The following SNX30 variants were observed in gnomAD, a reference collection of about 807,000 sequenced individuals.
The protein encoded by SNX30 is sorting nexin-30.
SNX30 carries 24 observed loss-of-function variants against 46.4 expected under a neutral mutation model. That is an observed-to-expected ratio of 0.52 (90% CI 0.37 to 0.73). The LOEUF is 0.73. Ranked by LOEUF, SNX30 falls within the 30% of genes least tolerant of loss-of-function variation. SNX30 has a pLI of 0.00. For synonymous variants in SNX30, 189 were observed against 211.5 expected, an observed-to-expected ratio of 0.89 and a Z score of 0.92; for missense variants, 533 against 555.7, an observed-to-expected ratio of 0.96 and a Z score of 0.41.
At chr9:112,752,502 G>C (rs1313311997) in intron 1 of SNX30, among the ~76,000 whole-genome samples, 1 of 152,168 alleles carries the variant, frequency 6.6e-6, no homozygotes, top group Non-Finnish European at 1.5e-5. Context: ...CTACTCAGGA[G>C]GCTGAGGCGG....
chr9:112,829,322 T>A (rs1450353149), intron 3 of SNX30, among the ~76,000 whole-genome samples: 1 of 152,178 alleles, frequency 6.6e-6, no homozygotes. Flanking sequence ...CAGGCTGGAG[T>A]GCAGTGGTGC....
At position 112,874,625 on chromosome 9, in the gene SNX30, A is replaced by T. The variant is rs1397118462; in HGVS notation, c.*5782A>T. ...CCAAAACAAAAGCTGTGATAAAAAA[A>T]GTGCTTGAGAGAGTGTGTTGATAAG... On this transcript the variant is annotated 3_prime_UTR_variant, in exon 9 of 9. Transcript: ENST00000374232. 2.0e-5 allele frequency: 3 copies of T among 152,238 alleles called. No homozygotes were observed. Among genetic ancestry groups the T allele is most frequent in the Admixed American group, 6.5e-5 (1 of 15,286 alleles). The allele number at this position is 152,238 out of a possible 1,614,324, so 9.4% of individuals were successfully genotyped here.
At chr9:112,820,091 T>C (rs77861492) in intron 3 of SNX30, among the ~76,000 whole-genome samples, 6,536 of 152,262 alleles carry the variant, frequency 0.043, 484 homozygotes, top group African/African-American at 0.15. Flanking sequence ...ACATAGTGTC[T>C]ACTCTTCCAT....
At chr9:112,817,847 A>G (rs965313513) in intron 3 of SNX30, 32 bp downstream of exon 3, 2 of 1,418,752 alleles carry the variant, frequency 1.4e-6, no homozygotes, top group African/African-American at 2.8e-5. Context: ...CTTGTTTCTC[A>G]CTTGTCCTGT....
intron 8 of SNX30, 27 bp from the exon 9 acceptor site, chr9:112,868,757 T>C (rs1367049060): frequency 1.9e-6 from 3 of 1,613,616 alleles, no homozygotes; most frequent in Non-Finnish European, 2.5e-6. Context: ...TCAAAGCTGA[T>C]ACTGTGTGTG....
chr9:112,764,485 T>C (rs759301518), intron 1 of SNX30, among the ~76,000 whole-genome samples: 1 of 152,154 alleles, frequency 6.6e-6, no homozygotes, highest in Non-Finnish European at 1.5e-5. Flanking sequence ...TAAGCAATCC[T>C]CCTACCTCAG....
intron 3 of SNX30, among the ~76,000 whole-genome samples, chr9:112,828,390 C>T (rs919133100): frequency 1.3e-5 from 2 of 152,104 alleles, no homozygotes; most frequent in African/African-American, 4.8e-5. Context: ...GTGTAGTAGC[C>T]GCACCATCTA....
intron 1 of SNX30, among the ~76,000 whole-genome samples, chr9:112,765,826 T>C (rs573335684): frequency 3.9e-5 from 6 of 152,334 alleles, no homozygotes; most frequent in South Asian, 2.1e-4. Context: ...CTTTTTGAGA[T>C]GGAGTCTCAC....
chr9:112,770,019 C>T (rs569177233), intron 1 of SNX30, among the ~76,000 whole-genome samples: 1 of 152,146 alleles, frequency 6.6e-6, no homozygotes, highest in Non-Finnish European at 1.5e-5. Flanking sequence ...GCTGTCATCC[C>T]CTCTTGCCTG....
chr9:112,849,263 G>C (rs1487017614), intron 6 of SNX30, among the ~76,000 whole-genome samples: 1 of 152,208 alleles, frequency 6.6e-6, no homozygotes, highest in Admixed American at 6.5e-5. Flanking sequence ...GTCCACAAAG[G>C]ACTCTTTTTT....
At chr9:112,784,503 G>A (rs1224741461) in intron 1 of SNX30, among the ~76,000 whole-genome samples, 3 of 152,122 alleles carry the variant, frequency 2.0e-5, no homozygotes, top group African/African-American at 7.2e-5. Flanking sequence ...CAGGATGACT[G>A]GTCCCCTGCC....
At chr9:112,816,253 G>T (rs7873644) in intron 2 of SNX30, among the ~76,000 whole-genome samples, 4 of 152,168 alleles carry the variant, frequency 2.6e-5, no homozygotes, top group African/African-American at 9.6e-5. Flanking sequence ...TTCCTACTCC[G>T]CCTGTGCGGG....
intron 1 of SNX30, among the ~76,000 whole-genome samples, chr9:112,793,797 G>GTTTTTTTTTTTTTT (rs200559435): frequency 4.4e-5 from 6 of 137,112 alleles, no homozygotes; most frequent in Non-Finnish European, 6.2e-5. Context: ...TACCTCCACT[G>GTTTTTTTTTTTTTT]TTTTTTGTTT....
At chr9:112,756,625 T>C (rs543375936) in intron 1 of SNX30, among the ~76,000 whole-genome samples, 16 of 152,120 alleles carry the variant, frequency 1.1e-4, no homozygotes, top group African/African-American at 3.9e-4. Flanking sequence ...CACGCCCAGC[T>C]AATTTTTGTA....
chr9:112,873,270 G>T lies in SNX30; in HGVS notation c.*4427G>T, dbSNP rs1841474661. On this transcript the variant is annotated 3_prime_UTR_variant, in exon 9 of 9. Coordinates refer to ENST00000374232, the MANE Select transcript of SNX30 (RefSeq NM_001012994.2). The stretch of plus-strand genomic sequence containing the variant: ...AAAATAACAAACCAATAAGATATTT[G>T]TCTCCTATATAAACATTCTGTGTAT... 6.6e-6 allele frequency: 1 copy of T among 152,004 alleles called. No homozygotes were observed. Among genetic ancestry groups the T allele is most frequent in the Non-Finnish European group, 1.5e-5 (1 of 68,000 alleles). 9.4% of individuals were successfully genotyped at this position (152,004 alleles called of 1,614,324 possible). A position where few individuals can be genotyped will look rare whatever the true frequency, so the allele number is the denominator to read the frequency against.
chr9:112,805,052 C>A lies in SNX30; in HGVS notation c.348+85C>A, dbSNP rs533008293. On this transcript the variant is annotated intron_variant, in intron 2 of 8. Coordinates refer to ENST00000374232, the MANE Select transcript of SNX30 (RefSeq NM_001012994.2). ...TCAGTGAATTTTGCCTTTGCTCTCC[C>A]CCTTATTGTACAACTCTGTTCACCT... The A allele has an allele frequency of 1.4e-5, 15 of 1,040,026 alleles. No individual in the cohort carries two copies. In the Admixed American group the frequency reaches 3.6e-4, roughly 25 times the overall value. 64.4% of individuals were successfully genotyped at this position (1,040,026 alleles called of 1,614,324 possible). A position where few individuals can be genotyped will look rare whatever the true frequency, so the allele number is the denominator to read the frequency against.
downstream of SNX30, among the ~76,000 whole-genome samples, chr9:112,883,362 T>C (rs1410159283): frequency 6.6e-6 from 1 of 152,124 alleles, no homozygotes; most frequent in Admixed American, 6.5e-5. Context: ...ATGCATGTAG[T>C]GGATGGGAAA....
At position 112,835,129 on chromosome 9, in the gene SNX30, C is replaced by T. The variant is rs1280936674; in HGVS notation, c.619-1085C>T. 2.0e-5 allele frequency among the ~76,000 whole-genome samples: 3 copies of T among 152,278 alleles called. No individual in the cohort carries two copies. In the South Asian group the frequency reaches 6.2e-4, roughly 32 times the overall value. ...CCTTGTTCTGGGTTCCTTTATCTCC[C>T]TCTAGTTATACCCTTCTAGGTCTGG... On this transcript the variant is annotated intron_variant, in intron 4 of 8. Coordinates refer to ENST00000374232, the MANE Select transcript of SNX30 (RefSeq NM_001012994.2).
downstream of SNX30, among the ~76,000 whole-genome samples, chr9:112,883,511 G>C (rs1841608035): frequency 6.6e-6 from 1 of 151,646 alleles, no homozygotes; most frequent in Non-Finnish European, 1.5e-5. Flanking sequence ...AGGATTGTTT[G>C]GGAAGATTAG....
Sources: gnomAD v4.1 joint callset for allele counts (sites outside exome capture counted in the v4.1 genomes callset) on GRCh38, gnomAD v4.1.1 for gene constraint, MANE v1.5 for transcripts, NCBI Gene and HGNC (gene_info 2026-07-23, HGNC 2026-07-21) for gene names.